AKAP13: variants seen among roughly 807,000 people sequenced by gnomAD.
AKAP13 encodes the protein A-kinase anchoring protein 13.
A neutral mutation model predicts 264.5 loss-of-function variants in AKAP13; 80 were observed. That is an observed-to-expected ratio of 0.30 (90% confidence interval 0.25 to 0.36). AKAP13 has a LOEUF of 0.36. Among genes scored for constraint, AKAP13 ranks in the 10% least tolerant of loss-of-function variants. The pLI is 1.00. For synonymous variants in AKAP13, 1,380 were observed against 1,250.2 expected, an observed-to-expected ratio of 1.10 and a Z score of -2.19; for missense variants, 3,712 against 3,435.2, an observed-to-expected ratio of 1.08 and a Z score of -2.01.
At chr15:85,597,407 C>G (rs931826680) in intron 8 of AKAP13, among the ~76,000 whole-genome samples, 3 of 152,156 alleles carry the variant, frequency 2.0e-5, no homozygotes, top group African/African-American at 4.8e-5. Context: ...CTGGAAACCT[C>G]TCCAGTGTTT....
chr15:85,446,710 C>CTTTTTTT (rs67306030), intron 1 of AKAP13, among the ~76,000 whole-genome samples: 6 of 124,412 alleles, frequency 4.8e-5, no homozygotes, highest in East Asian at 2.3e-4. Flanking sequence ...TTTTCTTTTT[C>CTTTTTTT]TTTTTTTTTT....
chr15:85,473,584 C>T (rs2075044706), intron 1 of AKAP13, among the ~76,000 whole-genome samples: 1 of 152,130 alleles, frequency 6.6e-6, no homozygotes, highest in African/African-American at 2.4e-5. Context: ...AGAAGATGGC[C>T]AGAATTCAGA....
intron 8 of AKAP13, among the ~76,000 whole-genome samples, chr15:85,594,934 A>G (rs1271753196): frequency 6.6e-6 from 1 of 152,170 alleles, no homozygotes; most frequent in East Asian, 1.9e-4. Flanking sequence ...TTATCCAGAA[A>G]AAGTTTCAGG....
chr15:85,706,622 C>G (rs1423796536), intron 17 of AKAP13, among the ~76,000 whole-genome samples: 1 of 152,152 alleles, frequency 6.6e-6, no homozygotes, highest in African/African-American at 2.4e-5. Context: ...ATACTGTAAT[C>G]AAGGCTGTGT....
At chr15:85,427,016 C>T (rs1479761579) in intron 1 of AKAP13, among the ~76,000 whole-genome samples, 26 of 137,218 alleles carry the variant, frequency 1.9e-4, no homozygotes, top group Middle Eastern at 4.7e-3. Flanking sequence ...AGTGCAGTGG[C>T]GCCATCTCGG....
chr15:85,643,053 T>A, intron 9 of AKAP13, among the ~76,000 whole-genome samples: 1 of 151,906 alleles, frequency 6.6e-6, no homozygotes. Context: ...ACCCATAGTT[T>A]CCAGTCTGTT....
intron 1 of AKAP13, among the ~76,000 whole-genome samples, chr15:85,452,093 T>C (rs1244923949): frequency 6.6e-6 from 1 of 152,226 alleles, no homozygotes; most frequent in African/African-American, 2.4e-5. Context: ...GTCTGTCTTA[T>C]TTCAGAAAAC....
At chr15:85,583,277 T>A (rs922797361) in intron 7 of AKAP13, 11 of 750,992 alleles carry the variant, frequency 1.5e-5, no homozygotes, top group Non-Finnish European at 1.8e-5. Context: ...TGGAGAGAAA[T>A]GAATCAATGG....
chr15:85,399,524 A>T lies in AKAP13; in HGVS notation c.-12+18726A>T, dbSNP rs1567038658. ...TCTCAAAAAAAAAAAAAAAAAAAAT[A>T]AAAAAATAAAAAAATAAATAAATAA... On this transcript the variant is annotated intron_variant, in intron 1 of 36. Coordinates refer to ENST00000394518, the MANE Select transcript of AKAP13 (RefSeq NM_007200.5). Among the ~76,000 whole-genome samples, 24 of 86,568 alleles carry T rather than the reference A, an allele frequency of 2.8e-4. 1 individual carries two copies. The highest frequency in any genetic ancestry group is 4.4e-4 in the Non-Finnish European group (18 of 40,890). The allele number at this position is 86,568 out of a possible 152,430, so 56.8% of individuals were successfully genotyped here.
Position 85,526,397 on chromosome 15 carries a change from C to T in AKAP13, c.181+4822C>T, listed in dbSNP as rs1374249196. On this transcript the variant is annotated intron_variant, in intron 3 of 36. Coordinates refer to ENST00000394518, the MANE Select transcript of AKAP13 (RefSeq NM_007200.5). ...ACCTCAGCCTCCCAAGTAGCACTCA[C>T]CATCGTAAGTGGCACGTGTGTGTGT... Among the ~76,000 whole-genome samples, 3 of 152,136 alleles carry T rather than the reference C, an allele frequency of 2.0e-5. No individual in the cohort carries two copies. In the South Asian group the frequency reaches 6.2e-4, roughly 31 times the overall value.
chr15:85,694,407 C>G (rs2085456276), intron 17 of AKAP13, among the ~76,000 whole-genome samples: 2 of 152,212 alleles, frequency 1.3e-5, no homozygotes, highest in South Asian at 4.1e-4. Context: ...TCTGCAGTTG[C>G]AGTGCAAAAG....
chr15:85,401,861 TAAC>T (rs2071433998), intron 1 of AKAP13, among the ~76,000 whole-genome samples: 1 of 152,062 alleles, frequency 6.6e-6, no homozygotes. Context: ...AGAGAATGAG[TAAC>T]AAGACAGTAG....
At chr15:85,660,660 G>C (rs1281102324) in intron 12 of AKAP13, among the ~76,000 whole-genome samples, 1 of 152,166 alleles carries the variant, frequency 6.6e-6, no homozygotes, top group African/African-American at 2.4e-5. Flanking sequence ...ATGGACTTCT[G>C]AGTCTTATCT....
intron 10 of AKAP13, among the ~76,000 whole-genome samples, chr15:85,650,027 A>G (rs1273489153): frequency 6.6e-6 from 1 of 152,206 alleles, no homozygotes; most frequent in Non-Finnish European, 1.5e-5. Flanking sequence ...TATATAAGAT[A>G]CAAAACCTAA....
chr15:85,698,465 C>A (rs867701782), intron 17 of AKAP13, among the ~76,000 whole-genome samples: 1,204 of 103,754 alleles, frequency 0.012, no homozygotes, highest in Admixed American at 0.013. Context: ...ACTCTGTCTC[C>A]AAAAAAAAAA....
chr15:85,708,068 T>C lies in AKAP13; in HGVS notation c.5514T>C (p.Cys1838=). 1.9e-6 allele frequency: 3 copies of C among 1,613,860 alleles called. No homozygotes were observed. The highest frequency in any genetic ancestry group is 2.5e-6 in the Non-Finnish European group (3 of 1,179,822). The stretch of plus-strand genomic sequence containing the variant: ...GCTGCCGAGAAAGTCTAGCCTCCTG[T>C]GCAAAGGTCAAAATGAAGGTAAGAC... ...HKGCRESLAS[C]AKVKMKQPKG... is the part of the protein sequence containing the mutation. The change falls in exon 18 of 37, where the codon TGT becomes TGC. Residue 1838 remains cysteine (C), a synonymous_variant. Transcript: ENST00000394518. This position sits in a 1 kb window ranked among gnomAD's most constrained non-coding sequence, Gnocchi z 4.3.
At position 85,655,583 on chromosome 15, in the gene AKAP13, A is replaced by G. The variant is rs1237478769; in HGVS notation, c.4541A>G (p.His1514Arg). 4.3e-6 allele frequency: 7 copies of G among 1,614,236 alleles called. No homozygotes were observed. The highest frequency in any genetic ancestry group is 3.3e-5 in the South Asian group (3 of 91,088). Residue 1514 changes from histidine (H) to arginine (R), a missense_variant, in exon 11 of 37, where the codon CAT becomes CGT. Transcript: ENST00000394518. ...DRQSLDGFYS[H>R]GMGAEGRESE... is the part of the protein sequence containing the mutation. ...CAAAGCCTTGATGGATTCTACAGCCATGGGATGGGAGCTGAGGGTCGAGAA... is the reference window on the plus strand; with the variant it reads ...CAAAGCCTTGATGGATTCTACAGCCGTGGGATGGGAGCTGAGGGTCGAGAA...
chr15:85,723,709 G>A (rs2087437574), intron 26 of AKAP13, among the ~76,000 whole-genome samples: 1 of 152,220 alleles, frequency 6.6e-6, no homozygotes. Context: ...CACAGTCAGC[G>A]AGTTTCACAG....
chr15:85,695,990 T>C (rs1277903129), intron 17 of AKAP13, among the ~76,000 whole-genome samples: 2 of 152,206 alleles, frequency 1.3e-5, no homozygotes, highest in Non-Finnish European at 2.9e-5. Context: ...ACCAAGCATT[T>C]TATAGCATGT....
Sources: gnomAD v4.1 joint callset for allele counts (sites outside exome capture counted in the v4.1 genomes callset) on GRCh38, gnomAD v4.1.1 for gene constraint, Gnocchi (gnomAD v3.1) non-coding constraint, MANE v1.5 for transcripts, NCBI Gene and HGNC (gene_info 2026-07-23, HGNC 2026-07-21) for gene names.